The following SFMBT1 variants were observed in gnomAD, a reference collection of about 807,000 sequenced individuals.
The protein encoded by SFMBT1 is scm-like with four MBT domains protein 1.
A neutral mutation model predicts 108.7 loss-of-function variants in SFMBT1; 32 were observed. The ratio of observed to expected loss-of-function variants is 0.29; its 90% CI spans 0.22 to 0.40. The LOEUF is 0.40. Ranked by LOEUF, SFMBT1 falls within the 10% of genes least tolerant of loss-of-function variation. The pLI, the probability that SFMBT1 is intolerant of heterozygous loss-of-function variation, is 1.00. For synonymous variants in SFMBT1, 348 were observed against 369.5 expected (o/e 0.94, Z 0.67); for missense variants, 816 against 1,059.6 (o/e 0.77, Z 3.19).
intron 1 of SFMBT1, among the ~76,000 whole-genome samples, chr3:53,025,464 A>G (rs992568845): frequency 2.0e-5 from 3 of 152,124 alleles, no homozygotes; most frequent in African/African-American, 7.2e-5. Flanking sequence ...TAAAAATTTA[A>G]AAATTAGCCA....
intron 3 of SFMBT1, among the ~76,000 whole-genome samples, chr3:52,950,705 C>A (rs1439614268): frequency 6.6e-6 from 1 of 152,080 alleles, no homozygotes. Flanking sequence ...AACTCCTGAC[C>A]TCAGGTGATC....
chr3:53,031,644 T>C (rs1387688969), intron 1 of SFMBT1, among the ~76,000 whole-genome samples: 1 of 151,440 alleles, frequency 6.6e-6, no homozygotes, highest in Non-Finnish European at 1.5e-5. Flanking sequence ...TTCTTAATCA[T>C]GTATAAATTG....
intron 1 of SFMBT1, among the ~76,000 whole-genome samples, chr3:53,005,025 C>T (rs1008578828): frequency 8.5e-5 from 13 of 152,118 alleles, no homozygotes; most frequent in Admixed American, 2.6e-4. Context: ...AGTTTGTTTA[C>T]TGCTTTGTAG....
intron 3 of SFMBT1, among the ~76,000 whole-genome samples, chr3:52,949,399 G>A (rs1160458767): frequency 6.6e-6 from 1 of 152,010 alleles, no homozygotes; most frequent in Non-Finnish European, 1.5e-5. Flanking sequence ...ATTTTCGATA[G>A]GAGGGCGTTG....
chr3:52,997,493 G>A (rs1460812848), intron 1 of SFMBT1, among the ~76,000 whole-genome samples: 1 of 147,210 alleles, frequency 6.8e-6, no homozygotes, highest in African/African-American at 2.5e-5. Context: ...CCGAGATCAT[G>A]CCACTGCACT....
At chr3:53,012,200 C>T (rs2564947) in intron 1 of SFMBT1, among the ~76,000 whole-genome samples, 97,195 of 152,002 alleles carry the variant, frequency 0.64, 32,647 homozygotes, top group Non-Finnish European at 0.75. Flanking sequence ...CTGGCCTTGC[C>T]ACTACAAAGG....
chr3:52,923,721 G>A (rs1702580250), intron 10 of SFMBT1, among the ~76,000 whole-genome samples: 1 of 151,894 alleles, frequency 6.6e-6, no homozygotes, highest in Non-Finnish European at 1.5e-5. Flanking sequence ...CATAAAACAG[G>A]ATAAAAAGAT....
chr3:52,918,650 T>C, intron 12 of SFMBT1, 124 bp from the exon 13 acceptor site: 1 of 461,450 alleles, frequency 2.2e-6, no homozygotes, highest in Non-Finnish European at 3.7e-6. Flanking sequence ...TGTGTATATA[T>C]GTGTGTGTGT....
In SFMBT1 at chr3:52,975,006, G is replaced by GA. The variant is rs565616671; in HGVS notation, c.-130-5749dup. On this transcript the variant is annotated intron_variant, in intron 1 of 20. Coordinates refer to ENST00000394752, the MANE Select transcript of SFMBT1 (RefSeq NM_016329.4). ...GGTGACAGGGCAAGACCCTGTATCA[G>GA]AAAAAAAAAAAAATCTGAGCCAAAC... 3.7e-3 allele frequency among the ~76,000 whole-genome samples: 499 copies of GA among 134,470 alleles called. 1 individual carries two copies. The highest frequency in any genetic ancestry group is 8.4e-3 in the African/African-American group (308 of 36,476). The allele number at this position is 134,470 out of a possible 152,430, so 88.2% of individuals were successfully genotyped here. A position where few individuals can be genotyped will look rare whatever the true frequency, so the allele number is the denominator to read the frequency against.
At chr3:52,994,656 C>T (rs1308280791) in intron 1 of SFMBT1, among the ~76,000 whole-genome samples, 1 of 150,234 alleles carries the variant, frequency 6.7e-6, no homozygotes, top group African/African-American at 2.4e-5. Flanking sequence ...TGCACCATCA[C>T]GCCCAGCTAA....
chr3:52,993,594 A>G (rs1292405356), intron 1 of SFMBT1, among the ~76,000 whole-genome samples: 2 of 150,074 alleles, frequency 1.3e-5, no homozygotes, highest in Admixed American at 6.8e-5. Context: ...TCTGCTACAT[A>G]TAACTCCTAG....
At chr3:52,956,217 T>C (rs1703776199) in intron 2 of SFMBT1, among the ~76,000 whole-genome samples, 1 of 152,186 alleles carries the variant, frequency 6.6e-6, no homozygotes, top group East Asian at 1.9e-4. Flanking sequence ...ATCCCAGCAC[T>C]GTGGGAGACC....
At chr3:52,971,094 T>G (rs57916015) in intron 1 of SFMBT1, among the ~76,000 whole-genome samples, 40,959 of 151,562 alleles carry the variant, frequency 0.27, 6,075 homozygotes, top group Middle Eastern at 0.4. Flanking sequence ...TGAGCCAAGA[T>G]CATGCCACTG....
chr3:52,907,860 G>C, intron 17 of SFMBT1, 127 bp from the exon 18 acceptor site: 1 of 848,760 alleles, frequency 1.2e-6, no homozygotes, highest in Non-Finnish European at 1.8e-6. Flanking sequence ...AAATTCCATA[G>C]AGTGGAATAA....
At chr3:52,986,627 T>A (rs1457674306) in intron 1 of SFMBT1, among the ~76,000 whole-genome samples, 1 of 151,104 alleles carries the variant, frequency 6.6e-6, no homozygotes, top group Non-Finnish European at 1.5e-5. Context: ...AAAAACTTAG[T>A]CGGGCAGGCA....
At chr3:52,932,632 C>G (rs1407684478) in intron 5 of SFMBT1, among the ~76,000 whole-genome samples, 1 of 152,046 alleles carries the variant, frequency 6.6e-6, no homozygotes, top group Non-Finnish European at 1.5e-5. Flanking sequence ...AAATATGGTC[C>G]AGGCATGGTG....
At chr3:52,939,377 C>T (rs1703114516) in intron 4 of SFMBT1, among the ~76,000 whole-genome samples, 1 of 152,104 alleles carries the variant, frequency 6.6e-6, no homozygotes, top group Non-Finnish European at 1.5e-5. Context: ...AATTTGAGAC[C>T]AGCCTGGCCA....
At chr3:52,958,712 G>C (rs754281898) in intron 2 of SFMBT1, among the ~76,000 whole-genome samples, 1 of 152,350 alleles carries the variant, frequency 6.6e-6, no homozygotes, top group Non-Finnish European at 1.5e-5. Context: ...GTGGAAGACA[G>C]TGTGCCAATT....
chr3:53,014,254 G>A (rs752090129), intron 1 of SFMBT1, among the ~76,000 whole-genome samples: 18 of 152,000 alleles, frequency 1.2e-4, no homozygotes, highest in Non-Finnish European at 2.5e-4. Context: ...TTTCTTCTTA[G>A]GCATTTCACT....
Sources: allele counts gnomAD v4.1 joint callset (sites outside exome capture counted in the v4.1 genomes callset), GRCh38; gene constraint gnomAD v4.1.1; transcripts MANE v1.5; gene names NCBI Gene and HGNC (gene_info 2026-07-23, HGNC 2026-07-21).